The following ATF7 variants were observed in gnomAD, a reference collection of about 807,000 sequenced individuals.
The protein encoded by ATF7 is cyclic AMP-dependent transcription factor ATF-7.
ATF7 carries 10 observed loss-of-function variants against 50.4 expected under a neutral mutation model. The observed-to-expected ratio is 0.20, with a 90% confidence interval of 0.12 to 0.34. The LOEUF is 0.34. Ranked by LOEUF, ATF7 falls within the 10% of genes least tolerant of loss-of-function variation. The pLI is 1.00. For missense variants in ATF7, 465 were observed against 613.9 expected, an observed-to-expected ratio of 0.76 and a Z score of 2.56; for synonymous variants, 201 against 226.4, an observed-to-expected ratio of 0.89 and a Z score of 1.01.
At chr12:53,600,529 G>A (rs542162643) in intron 2 of ATF7, among the ~76,000 whole-genome samples, 2 of 152,036 alleles carry the variant, frequency 1.3e-5, no homozygotes, top group Non-Finnish European at 2.9e-5. Flanking sequence ...TAGTAGAGAT[G>A]GGGTTTTGGC....
At chr12:53,520,993 A>ATT (rs11453651) in intron 11 of ATF7, among the ~76,000 whole-genome samples, 15 of 139,194 alleles carry the variant, frequency 1.1e-4, no homozygotes, top group East Asian at 4.2e-4. Context: ...AGTCAGATCA[A>ATT]TTTTTTTTTT....
intron 9 of ATF7, among the ~76,000 whole-genome samples, chr12:53,526,028 T>C (rs1938431338): frequency 6.6e-6 from 1 of 152,088 alleles, no homozygotes; most frequent in South Asian, 2.1e-4. Context: ...CTGACCAACA[T>C]GGAGAAACCC....
chr12:53,516,871 TG>T lies in ATF7; in HGVS notation c.*265del. Reference sequence around the variant, plus strand: ...GGCAGGGGTGATTGTTCGGACCATCTGGAAAGGCCTTTGGCTGTGGATGCAT... The same window carrying T: ...GGCAGGGGTGATTGTTCGGACCATCTGAAAGGCCTTTGGCTGTGGATGCAT... On this transcript the variant is annotated 3_prime_UTR_variant, in exon 12 of 12. Coordinates refer to ENST00000420353, the MANE Select transcript of ATF7 (RefSeq NM_006856.3). 1 of 517,392 alleles carries T rather than the reference TG, an allele frequency of 1.9e-6. No homozygotes were observed. The highest frequency in any genetic ancestry group is 2.2e-5 in the South Asian group (1 of 46,462). 32.1% of individuals were successfully genotyped at this position (517,392 alleles called of 1,614,324 possible). A position where few individuals can be genotyped will look rare whatever the true frequency, so the allele number is the denominator to read the frequency against.
At chr12:53,531,519 T>A (rs1938890284) in intron 9 of ATF7, among the ~76,000 whole-genome samples, 1 of 151,616 alleles carries the variant, frequency 6.6e-6, no homozygotes, top group African/African-American at 2.4e-5. Flanking sequence ...TAAAGAATGG[T>A]GTGTTTTTGT....
chr12:53,585,196 G>A (rs994428341), intron 2 of ATF7, among the ~76,000 whole-genome samples: 2 of 151,936 alleles, frequency 1.3e-5, no homozygotes, highest in African/African-American at 2.4e-5. Context: ...GGCTGGTCTT[G>A]AACTCCTGGG....
intron 6 of ATF7, among the ~76,000 whole-genome samples, chr12:53,534,137 C>T (rs928722685): frequency 4.6e-5 from 7 of 152,098 alleles, no homozygotes; most frequent in South Asian, 4.2e-4. Flanking sequence ...ATTAGCTGGG[C>T]GTGGTTGCAG....
intron 2 of ATF7, among the ~76,000 whole-genome samples, chr12:53,577,658 G>C (rs1289086336): frequency 2.0e-5 from 3 of 150,792 alleles, no homozygotes; most frequent in African/African-American, 7.3e-5. Flanking sequence ...GGAGCTTGCA[G>C]TGAGCCGAGA....
intron 3 of ATF7, among the ~76,000 whole-genome samples, chr12:53,548,879 G>C (rs2137478152): frequency 6.6e-6 from 1 of 152,280 alleles, no homozygotes; most frequent in South Asian, 2.1e-4. Flanking sequence ...CAGCTACTGG[G>C]GAGGGTGAGG....
chr12:53,584,039 G>A (rs139385307), intron 2 of ATF7, among the ~76,000 whole-genome samples: 1 of 152,278 alleles, frequency 6.6e-6, no homozygotes, highest in Non-Finnish European at 1.5e-5. Flanking sequence ...GAGTACAGTG[G>A]CGTGATCTTG....
intron 6 of ATF7, among the ~76,000 whole-genome samples, chr12:53,534,276 C>CA (rs1165947231): frequency 6.6e-6 from 1 of 151,480 alleles, no homozygotes; most frequent in Admixed American, 6.6e-5. Flanking sequence ...GCCTCTATCT[C>CA]AAAAAAACCC....
At chr12:53,583,697 G>GCT (rs1942543705) in intron 2 of ATF7, among the ~76,000 whole-genome samples, 1 of 152,062 alleles carries the variant, frequency 6.6e-6, no homozygotes, top group Non-Finnish European at 1.5e-5. Flanking sequence ...TAATTGATAA[G>GCT]CTGGACTGTG....
intron 6 of ATF7, among the ~76,000 whole-genome samples, chr12:53,533,677 G>C (rs1300732010): frequency 6.6e-6 from 1 of 152,140 alleles, no homozygotes; most frequent in East Asian, 1.9e-4. Flanking sequence ...GCCTCAAAAA[G>C]AAGTTGTCCC....
chr12:53,561,772 C>G (rs1382732032), intron 2 of ATF7, among the ~76,000 whole-genome samples: 1 of 152,168 alleles, frequency 6.6e-6, no homozygotes, highest in Non-Finnish European at 1.5e-5. Context: ...GTCACACATC[C>G]TGCTTTGAAT....
chr12:53,570,255 A>G (rs958048680), intron 2 of ATF7, among the ~76,000 whole-genome samples: 6 of 151,882 alleles, frequency 4.0e-5, no homozygotes, highest in Non-Finnish European at 5.9e-5. Flanking sequence ...ATTATATAGA[A>G]CCTGCCACTC....
chr12:53,540,074 C>G (rs1939450082), intron 4 of ATF7, among the ~76,000 whole-genome samples: 1 of 151,886 alleles, frequency 6.6e-6, no homozygotes, highest in South Asian at 2.1e-4. Context: ...AATACGAGGC[C>G]AGGCACAGTG....
chr12:53,583,095 A>C (rs1942514183), intron 2 of ATF7, among the ~76,000 whole-genome samples: 1 of 152,230 alleles, frequency 6.6e-6, no homozygotes, highest in Non-Finnish European at 1.5e-5. Context: ...AATGGATCAC[A>C]GACCTAAATG....
intron 2 of ATF7, among the ~76,000 whole-genome samples, chr12:53,582,124 G>A (rs1271856482): frequency 6.6e-6 from 1 of 151,828 alleles, no homozygotes; most frequent in Non-Finnish European, 1.5e-5. Context: ...AACAAAAAAA[G>A]AGTGGCCAAC....
chr12:53,550,354 ATAAATAAATAAATAAT>A (rs1217210597), intron 3 of ATF7, among the ~76,000 whole-genome samples: 3 of 147,500 alleles, frequency 2.0e-5, no homozygotes, highest in African/African-American at 7.4e-5. Context: ...AAATAAATAA[ATAAATAAATAAATAAT>A]AAATATAAAT....
chr12:53,542,179 C>G (rs556405688), intron 4 of ATF7, among the ~76,000 whole-genome samples: 16 of 144,880 alleles, frequency 1.1e-4, no homozygotes, highest in African/African-American at 4.1e-4. Flanking sequence ...TAATCCCAGC[C>G]CTTTGGGAGG....
Sources: allele counts gnomAD v4.1 joint callset (sites outside exome capture counted in the v4.1 genomes callset), GRCh38; gene constraint gnomAD v4.1.1; transcripts MANE v1.5; gene names NCBI Gene and HGNC (gene_info 2026-07-23, HGNC 2026-07-21).